Variants in HS2ST1 observed in about 807,000 individuals in gnomAD.
HS2ST1 encodes the protein 2-O-sulfotransferase.
Under a neutral mutation model 42.9 loss-of-function variants are expected in HS2ST1, and 18 were observed. The observed-to-expected ratio is 0.42, with a 90% CI of 0.29 to 0.62. The LOEUF is 0.62. Ranked by LOEUF, HS2ST1 falls within the 20% of genes least tolerant of loss-of-function variation. HS2ST1 has a pLI of 0.21. For synonymous variants in HS2ST1, 146 were observed against 152.9 expected, an observed-to-expected ratio of 0.95 and a Z score of 0.33; for missense variants, 334 against 433.8, an observed-to-expected ratio of 0.77 and a Z score of 2.04.
chr1:86,971,470 T>A (rs1221801894), intron 1 of HS2ST1, among the ~76,000 whole-genome samples: 3 of 152,168 alleles, frequency 2.0e-5, no homozygotes, highest in Non-Finnish European at 4.4e-5. Context: ...ATATATAAAT[T>A]GGACCTAGGG....
intron 1 of HS2ST1, among the ~76,000 whole-genome samples, chr1:86,952,528 A>G (rs1647556189): frequency 6.6e-6 from 1 of 152,256 alleles, no homozygotes; most frequent in South Asian, 2.1e-4. Context: ...ATGAGCCAGC[A>G]TGCCCAGCCA....
chr1:86,942,865 A>G (rs568661888), intron 1 of HS2ST1, among the ~76,000 whole-genome samples: 2 of 152,294 alleles, frequency 1.3e-5, no homozygotes, highest in South Asian at 2.1e-4. Flanking sequence ...ACTTTAGTCA[A>G]TGATTCCTTT....
chr1:86,949,715 G>A (rs1220786655), intron 1 of HS2ST1, among the ~76,000 whole-genome samples: 1 of 152,222 alleles, frequency 6.6e-6, no homozygotes, highest in Non-Finnish European at 1.5e-5. Context: ...TGTGTGGCTA[G>A]TGGTTCCTGT....
At chr1:86,945,621 A>T (rs1296514000) in intron 1 of HS2ST1, among the ~76,000 whole-genome samples, 1 of 152,228 alleles carries the variant, frequency 6.6e-6, no homozygotes, top group Non-Finnish European at 1.5e-5. Flanking sequence ...AATTTGCGAC[A>T]ATCTTGAACT....
intron 1 of HS2ST1, among the ~76,000 whole-genome samples, chr1:86,946,790 C>G (rs989970567): frequency 1.3e-5 from 2 of 152,130 alleles, no homozygotes; most frequent in Non-Finnish European, 2.9e-5. Flanking sequence ...ATAAAGCTAT[C>G]CTTTCCACTG....
At chr1:87,004,323 G>A (rs1327313615) in intron 1 of HS2ST1, among the ~76,000 whole-genome samples, 2 of 152,112 alleles carry the variant, frequency 1.3e-5, no homozygotes, top group African/African-American at 2.4e-5. Flanking sequence ...CCTGGGAGGT[G>A]GAGGTTGCAG....
At chr1:87,041,869 A>T (rs929408586) in intron 1 of HS2ST1, among the ~76,000 whole-genome samples, 2 of 152,120 alleles carry the variant, frequency 1.3e-5, no homozygotes, top group African/African-American at 4.8e-5. Context: ...GTTTTTACAT[A>T]TTGGCTGTTG....
At chr1:86,991,827 T>C (rs1648959588) in intron 1 of HS2ST1, among the ~76,000 whole-genome samples, 1 of 152,144 alleles carries the variant, frequency 6.6e-6, no homozygotes, top group South Asian at 2.1e-4. Flanking sequence ...CATTAACATA[T>C]TAATAGAAGA....
At chr1:87,045,117 G>A in intron 1 of HS2ST1, 1 of 894,410 alleles carries the variant, frequency 1.1e-6, no homozygotes, top group Non-Finnish European at 1.9e-6. Context: ...TTGAGCTGTG[G>A]AGGTGGAAGG....
At chr1:86,922,432 T>C (rs1006632701) in intron 1 of HS2ST1, among the ~76,000 whole-genome samples, 1 of 151,904 alleles carries the variant, frequency 6.6e-6, no homozygotes, top group Non-Finnish European at 1.5e-5. Flanking sequence ...TGTGTGTGTG[T>C]GTGTGTGTGT....
At chr1:87,093,809 AAGTT>A (rs1314543169) in intron 4 of HS2ST1, among the ~76,000 whole-genome samples, 3 of 150,706 alleles carry the variant, frequency 2.0e-5, no homozygotes, top group African/African-American at 5.0e-5. Flanking sequence ...ATTTTTTTCT[AAGTT>A]AGTTATACCC....
intron 1 of HS2ST1, among the ~76,000 whole-genome samples, chr1:86,919,506 T>A (rs926251932): frequency 4.6e-5 from 7 of 152,208 alleles, no homozygotes; most frequent in African/African-American, 1.7e-4. Flanking sequence ...CAGTAAATCA[T>A]TTTTTCCAAC....
At chr1:87,036,379 TG>T (rs1259183145) in intron 1 of HS2ST1, among the ~76,000 whole-genome samples, 1 of 152,216 alleles carries the variant, frequency 6.6e-6, no homozygotes, top group African/African-American at 2.4e-5. Context: ...ATTGCCACAC[TG>T]GGAGACCAAA....
rs1387619862 is a variant in HS2ST1 at position 87,106,519 on chromosome 1, A to G, written c.*1823A>G. The stretch of plus-strand genomic sequence containing the variant: ...TTTTAGGTAGATTGCCTTAAAGGTT[A>G]TGGGAGGGCATGAGGGAACACTTCT... On this transcript the variant is annotated 3_prime_UTR_variant, in exon 7 of 7. Coordinates refer to ENST00000370550, the MANE Select transcript of HS2ST1 (RefSeq NM_012262.4). The G allele has an allele frequency of 6.6e-6, 1 of 152,074 alleles. No homozygotes were observed. The highest frequency in any genetic ancestry group is 1.5e-5 in the Non-Finnish European group (1 of 67,938). The allele number at this position is 152,074 out of a possible 1,614,324, so 9.4% of individuals were successfully genotyped here.
At chr1:87,008,652 A>C (rs905517271) in intron 1 of HS2ST1, among the ~76,000 whole-genome samples, 1 of 152,214 alleles carries the variant, frequency 6.6e-6, no homozygotes, top group African/African-American at 2.4e-5. Context: ...ATTTATTAGG[A>C]AACAATGCAG....
intron 1 of HS2ST1, among the ~76,000 whole-genome samples, chr1:86,993,978 G>T (rs1232756181): frequency 6.6e-6 from 1 of 152,134 alleles, no homozygotes; most frequent in Non-Finnish European, 1.5e-5. Flanking sequence ...GGCAAAGTGT[G>T]CCCGTTTTGT....
chr1:87,083,462 T>C (rs949107985), intron 2 of HS2ST1, among the ~76,000 whole-genome samples: 2 of 152,216 alleles, frequency 1.3e-5, no homozygotes, highest in African/African-American at 4.8e-5. Flanking sequence ...CCATTTTCCA[T>C]TGAGAAATTG....
chr1:87,089,719 T>C (rs932747153), intron 3 of HS2ST1, among the ~76,000 whole-genome samples: 3 of 152,056 alleles, frequency 2.0e-5, no homozygotes, highest in African/African-American at 7.2e-5. Flanking sequence ...ATAGTTCATA[T>C]CCATTTTCAA....
chr1:87,070,470 A>C (rs1651374326), intron 1 of HS2ST1, among the ~76,000 whole-genome samples: 1 of 152,088 alleles, frequency 6.6e-6, no homozygotes, highest in South Asian at 2.1e-4. Context: ...GTGCACCTGT[A>C]GTCCCAGCTA....
Sources: gnomAD v4.1 joint callset for allele counts (sites outside exome capture counted in the v4.1 genomes callset) on GRCh38, gnomAD v4.1.1 for gene constraint, MANE v1.5 for transcripts, NCBI Gene and HGNC (gene_info 2026-07-23, HGNC 2026-07-21) for gene names.